Variants in OCLN observed in about 807,000 individuals in gnomAD.
The protein encoded by OCLN is occludin.
OCLN carries 21 observed loss-of-function variants against 47.9 expected under a neutral mutation model. That is an observed-to-expected ratio of 0.44 (90% CI 0.31 to 0.63). The LOEUF (loss-of-function observed/expected upper bound fraction) is 0.63. Ranked by LOEUF, OCLN falls within the 30% of genes least tolerant of loss-of-function variation. OCLN has a pLI of 0.08. For missense variants in OCLN, 360 were observed against 571.0 expected (o/e 0.63, Z 3.77); for synonymous variants, 117 against 198.4 (o/e 0.59, Z 3.45).
rs33957614 is a variant in OCLN, at chr5:69,501,631, GAA to G, written c.-68-2534_-68-2533del. ...AACAGAATGAGACCTTGTCTCAAAAGAAAAAAAAAAAAAGTATAGAGAAATTG... is the reference window on the plus strand; with the variant it reads ...AACAGAATGAGACCTTGTCTCAAAAGAAAAAAAAAAAGTATAGAGAAATTG... On this transcript the variant is annotated intron_variant, in intron 1 of 8. Transcript: ENST00000396442. 3.0e-3 allele frequency among the ~76,000 whole-genome samples: 443 copies of G among 145,614 alleles called. 4 individuals are homozygous for G. In the East Asian group the frequency reaches 0.045, roughly 15 times the overall value.
chr5:69,519,958 TTTTG>T (rs904164231), intron 4 of OCLN, among the ~76,000 whole-genome samples: 9 of 152,252 alleles, frequency 5.9e-5, no homozygotes, highest in African/African-American at 1.4e-4. Context: ...ATAAAGTAAT[TTTTG>T]TTTGTTTGTT....
Position 69,509,454 on chromosome 5 carries a change from T to C in OCLN, c.364T>C (p.Tyr122His). The change falls in exon 3 of 9, where the codon TAT (tyrosine) becomes CAT (histidine). Residue 122 changes from tyrosine (Y) to histidine (H), a missense_variant. This residue lies in a region of OCLN where 314 missense variants were observed against 368.1 expected (regional missense o/e 0.85). Transcript: ENST00000396442. Reference protein sequence around the residue: ...GSYGSGYGYGYGYGYGYGGYT... With the variant: ...GSYGSGYGYGHGYGYGYGGYT... ...CTACGGAAGTGGCTATGGCTATGGC[T>C]ATGGTTATGGCTATGGCTACGGAGG... 1 of 1,614,196 alleles carries C rather than the reference T, an allele frequency of 6.2e-7. No homozygotes were observed. The highest frequency in any genetic ancestry group is 1.1e-5 in the South Asian group (1 of 91,088).
At chr5:69,533,142 T>C (rs1364532969) in intron 4 of OCLN, among the ~76,000 whole-genome samples, 3 of 151,386 alleles carry the variant, frequency 2.0e-5, no homozygotes, top group African/African-American at 7.3e-5. Flanking sequence ...CACATATATA[T>C]ACATACAGTG....
chr5:69,516,103 G>A (rs1471630869), intron 4 of OCLN, among the ~76,000 whole-genome samples: 1 of 151,854 alleles, frequency 6.6e-6, no homozygotes, highest in Non-Finnish European at 1.5e-5. Context: ...GTGGCGGCCG[G>A]GCAGAGGCTG....
At chr5:69,515,896 A>G (rs1768949694) in intron 4 of OCLN, among the ~76,000 whole-genome samples, 1 of 138,462 alleles carries the variant, frequency 7.2e-6, no homozygotes, top group Non-Finnish European at 1.5e-5. Flanking sequence ...ATCTTAGACG[A>G]TGGGCGGCCG....
At chr5:69,507,568 C>T (rs1000562158) in intron 2 of OCLN, among the ~76,000 whole-genome samples, 3 of 151,734 alleles carry the variant, frequency 2.0e-5, no homozygotes, top group African/African-American at 7.3e-5. Flanking sequence ...ATAACATGAG[C>T]CATATATGTA....
intron 4 of OCLN, among the ~76,000 whole-genome samples, chr5:69,515,407 G>A (rs1768912289): frequency 7.0e-6 from 1 of 143,564 alleles, no homozygotes; most frequent in Admixed American, 6.8e-5. Context: ...CGGGCAGGGG[G>A]CTGACCCCCC....
chr5:69,510,544 A>G (rs988047664), intron 3 of OCLN, among the ~76,000 whole-genome samples: 1 of 152,012 alleles, frequency 6.6e-6, no homozygotes, highest in Admixed American at 6.6e-5. Context: ...TTAGCTGGGC[A>G]TGGTGGCAGG....
chr5:69,502,587 TC>T (rs1768491116), intron 1 of OCLN: 1 of 152,246 alleles, frequency 6.6e-6, no homozygotes, highest in South Asian at 2.1e-4. Flanking sequence ...ATCTCAAAGT[TC>T]CCTACTCTAC....
At chr5:69,514,201 T>C (rs1768864158) in intron 4 of OCLN, 92 bp downstream of exon 4, 1 of 1,159,726 alleles carries the variant, frequency 8.6e-7, no homozygotes, top group Non-Finnish European at 1.3e-6. Context: ...TTCTTAGAAT[T>C]AATGTTTGTA....
intron 4 of OCLN, among the ~76,000 whole-genome samples, chr5:69,514,834 G>A (rs1432017981): frequency 6.6e-6 from 1 of 152,164 alleles, no homozygotes; most frequent in East Asian, 1.9e-4. Context: ...AGAGCACAGG[G>A]TTGGGGGTAG....
At chr5:69,514,142 T>C in intron 4 of OCLN, 33 bp downstream of exon 4, 1 of 1,586,662 alleles carries the variant, frequency 6.3e-7, no homozygotes, top group Non-Finnish European at 8.7e-7. Context: ...ACATCTTTTA[T>C]TAAAGCCCCA....
chr5:69,498,436 T>C (rs1252362450), intron 1 of OCLN, among the ~76,000 whole-genome samples: 4 of 151,432 alleles, frequency 2.6e-5, no homozygotes, highest in African/African-American at 4.9e-5. Flanking sequence ...GGAGGTTGCA[T>C]TGAGCCGAGA....
intron 4 of OCLN, among the ~76,000 whole-genome samples, chr5:69,531,287 G>C (rs766470661): frequency 4.6e-5 from 7 of 152,190 alleles, no homozygotes; most frequent in Non-Finnish European, 8.8e-5. Context: ...GCCTCATCCA[G>C]GAGGGGCTTG....
chr5:69,515,129 ACCGGGCGGCTGG>A (rs1416743908), intron 4 of OCLN, among the ~76,000 whole-genome samples: 9 of 146,250 alleles, frequency 6.2e-5, no homozygotes, highest in Non-Finnish European at 1.0e-4. Flanking sequence ...CACCTCCTGG[ACCGGGCGGCTGG>A]CCGGGCGGGG....
intron 4 of OCLN, among the ~76,000 whole-genome samples, chr5:69,523,870 T>C (rs894997678): frequency 6.6e-6 from 1 of 152,112 alleles, no homozygotes; most frequent in Admixed American, 6.5e-5. Flanking sequence ...ACTTTAAGGC[T>C]GAGCACAGTG....
At chr5:69,508,701 A>AGT (rs1345199042) in intron 2 of OCLN, among the ~76,000 whole-genome samples, 2 of 152,194 alleles carry the variant, frequency 1.3e-5, no homozygotes, top group Non-Finnish European at 2.9e-5. Flanking sequence ...CACATTGGAC[A>AGT]GTATAGCTAT....
At chr5:69,515,683 G>T (rs1258112912) in intron 4 of OCLN, among the ~76,000 whole-genome samples, 13 of 151,040 alleles carry the variant, frequency 8.6e-5, no homozygotes, top group Admixed American at 5.3e-4. Flanking sequence ...GGGCAGAGAC[G>T]CTCCTCACTT....
chr5:69,514,951 G>A (rs1156889928), intron 4 of OCLN, among the ~76,000 whole-genome samples: 4 of 152,098 alleles, frequency 2.6e-5, no homozygotes, highest in East Asian at 1.9e-4. Flanking sequence ...GCAACCATCC[G>A]ATTTCTCAAT....
Sources: allele counts gnomAD v4.1 joint callset (sites outside exome capture counted in the v4.1 genomes callset), GRCh38; gene constraint gnomAD v4.1.1; regional missense constraint gnomAD v4.1.1; transcripts MANE v1.5; gene names NCBI Gene and HGNC (gene_info 2026-07-23, HGNC 2026-07-21).